EPS15: variants seen among roughly 807,000 people sequenced by gnomAD.
EPS15 encodes the protein epidermal growth factor receptor substrate 15.
A neutral mutation model predicts 113.8 loss-of-function variants in EPS15; 72 were observed. The observed-to-expected ratio is 0.63, with a 90% CI of 0.52 to 0.77. EPS15 has a LOEUF of 0.77. Ranked by LOEUF, EPS15 falls within the 30% of genes least tolerant of loss-of-function variation. The pLI is 0.00. For synonymous variants in EPS15, 344 were observed against 363.4 expected (o/e 0.95, Z 0.61); for missense variants, 1,048 against 1,045.8 (o/e 1.00, Z -0.03).
In EPS15 at chr1:51,472,869, A is replaced by T. The variant is rs1475752654; in HGVS notation, c.155T>A (p.Ile52Lys). ...FLKKSGLPDL[I>K]LGKIWDLADT... ...ATGAACGAATACTACCTTTCCAAGT[A>T]TCAAGTCTGGAAGCCCTGATTTTTT... Residue 52 changes from isoleucine (I) to lysine (K), a missense_variant, in exon 3 of 25, where the codon ATA becomes AAA. Ile to Lys is a moderately radical substitution (Grantham distance 102). Coordinates refer to ENST00000371733, the MANE Select transcript of EPS15 (RefSeq NM_001981.3). The T allele has an allele frequency of 1.9e-6, 3 of 1,612,022 alleles. No individual in the cohort carries two copies. The highest frequency in any genetic ancestry group is 3.3e-5 in the Admixed American group (2 of 60,008).
chr1:51,378,306 C>T (rs958626589), intron 21 of EPS15, among the ~76,000 whole-genome samples: 1 of 151,722 alleles, frequency 6.6e-6, no homozygotes, highest in Non-Finnish European at 1.5e-5. Context: ...GAAAACAGAA[C>T]TTTTATATGT....
intron 20 of EPS15, among the ~76,000 whole-genome samples, chr1:51,398,076 C>T (rs1284784741): frequency 4.8e-5 from 7 of 145,020 alleles, no homozygotes; most frequent in Non-Finnish European, 9.0e-5. Context: ...TTTTTTGAGA[C>T]GGAGTCTCGC....
In EPS15 at chr1:51,481,298, G is replaced by A; in HGVS notation, c.50C>T (p.Pro17Leu). ...LSLTQLSSGN[P>L]VYEKYYRQVD... Reference sequence around the variant, plus strand: ...CTGTCTATAGTATTTTTCATATACAGGATTCCCACTTGATAACTGAAATAA... The same window carrying A: ...CTGTCTATAGTATTTTTCATATACAAGATTCCCACTTGATAACTGAAATAA... The change falls in exon 2 of 25, where the codon CCT becomes CTT. Residue 17 changes from proline (P) to leucine (L), a missense_variant. Coordinates refer to ENST00000371733, the MANE Select transcript of EPS15 (RefSeq NM_001981.3). The A allele has an allele frequency of 7.4e-7, 1 of 1,359,348 alleles. No homozygotes were observed. Among genetic ancestry groups the A allele is most frequent in the East Asian group, 2.3e-5 (1 of 43,194 alleles). 84.2% of individuals were successfully genotyped at this position (1,359,348 alleles called of 1,614,324 possible).
intron 2 of EPS15, among the ~76,000 whole-genome samples, chr1:51,477,745 G>T (rs1473346399): frequency 1.4e-4 from 22 of 152,148 alleles, no homozygotes; most frequent in South Asian, 6.2e-4. Flanking sequence ...TTGTTCAGTT[G>T]CCATGTAGTT....
At chr1:51,416,082 CCT>C (rs906165310) in intron 13 of EPS15, among the ~76,000 whole-genome samples, 1 of 151,642 alleles carries the variant, frequency 6.6e-6, no homozygotes. Context: ...AACAGATGTA[CCT>C]CTCTCTCTCT....
intron 1 of EPS15, among the ~76,000 whole-genome samples, chr1:51,506,670 A>C (rs78983121): frequency 0.044 from 6,669 of 152,030 alleles, 224 homozygotes; most frequent in Middle Eastern, 0.099. Flanking sequence ...AGGACATTTC[A>C]AGCAAGTATG....
intron 8 of EPS15, among the ~76,000 whole-genome samples, chr1:51,455,726 A>G (rs1653946819): frequency 6.6e-6 from 1 of 152,252 alleles, no homozygotes; most frequent in South Asian, 2.1e-4. Flanking sequence ...ATCTAGTCAG[A>G]TAATTCATCC....
rs907117654 is a variant in EPS15 at position 51,385,309 on chromosome 1, TA to T, written c.2119+9071del. Among the ~76,000 whole-genome samples, 151 of 152,026 alleles carry T rather than the reference TA, an allele frequency of 9.9e-4. 1 individual carries two copies. The highest frequency in any genetic ancestry group is 3.6e-3 in the African/African-American group (148 of 41,466). On this transcript the variant is annotated intron_variant, in intron 21 of 24. Coordinates refer to ENST00000371733, the MANE Select transcript of EPS15 (RefSeq NM_001981.3). ...GATATACAAATAGCCAATAAGCATA[TA>T]AAAAAAGGCACTACATACTAATCAT...
chr1:51,388,366 C>G (rs895924368), intron 21 of EPS15, among the ~76,000 whole-genome samples: 2 of 152,180 alleles, frequency 1.3e-5, no homozygotes, highest in African/African-American at 2.4e-5. Context: ...CAAGACAAAG[C>G]AGGAAAGATC....
chr1:51,359,344 T>C (rs889309016), intron 24 of EPS15, among the ~76,000 whole-genome samples: 1 of 149,218 alleles, frequency 6.7e-6, no homozygotes, highest in Non-Finnish European at 1.5e-5. Context: ...CTTGGGAGGC[T>C]GAGGCAGGAG....
chr1:51,421,211 T>A (rs1024137586), intron 13 of EPS15, among the ~76,000 whole-genome samples: 4 of 152,184 alleles, frequency 2.6e-5, no homozygotes, highest in African/African-American at 9.6e-5. Flanking sequence ...TGAAACAATT[T>A]AACACAACAC....
chr1:51,423,527 C>T (rs539436376), intron 12 of EPS15: 1 of 985,374 alleles, frequency 1.0e-6, no homozygotes, highest in South Asian at 4.7e-5. Context: ...AGCACCCTCC[C>T]CCCATCCCAA....
intron 2 of EPS15, among the ~76,000 whole-genome samples, chr1:51,477,401 C>T: frequency 6.6e-6 from 1 of 152,086 alleles, no homozygotes; most frequent in Non-Finnish European, 1.5e-5. Flanking sequence ...TTTCAAAAAA[C>T]CAGCTTCTGG....
intron 1 of EPS15, among the ~76,000 whole-genome samples, chr1:51,513,580 A>T (rs1317400129): frequency 1.3e-5 from 2 of 152,244 alleles, no homozygotes; most frequent in Admixed American, 1.3e-4. Context: ...GAGGGCCTAA[A>T]GCAGAAAGAA....
intron 12 of EPS15, among the ~76,000 whole-genome samples, chr1:51,428,396 T>C (rs75667766): frequency 0.024 from 3,594 of 152,322 alleles, 62 homozygotes; most frequent in Non-Finnish European, 0.034. Context: ...ATACTTTCTA[T>C]AGAATTTAAG....
intron 13 of EPS15, 64 bp downstream of exon 13, chr1:51,421,722 C>G: frequency 1.1e-6 from 1 of 946,152 alleles, no homozygotes; most frequent in East Asian, 2.6e-5. Flanking sequence ...AGTAAATAAC[C>G]ATATAAATTT....
In EPS15 at chr1:51,355,998, G is replaced by A. The variant is rs1298660133; in HGVS notation, c.*702C>T. The stretch of plus-strand genomic sequence containing the variant: ...TTATTAATTAGCAAACACACTGAGA[G>A]GTATCTGTTGATCTAAAATTCTCTA... On this transcript the variant is annotated 3_prime_UTR_variant, in exon 25 of 25. Transcript: ENST00000371733. 5.2e-6 allele frequency: 1 copy of A among 193,426 alleles called. No individual in the cohort carries two copies. The highest frequency in any genetic ancestry group is 1.1e-5 in the Non-Finnish European group (1 of 92,990). 12.0% of individuals were successfully genotyped at this position (193,426 alleles called of 1,614,324 possible).
At chr1:51,413,998 C>T (rs1649982010) in intron 13 of EPS15, among the ~76,000 whole-genome samples, 1 of 152,226 alleles carries the variant, frequency 6.6e-6, no homozygotes, top group East Asian at 1.9e-4. Flanking sequence ...GATCTGCCCG[C>T]CTCGGCCTCC....
At chr1:51,386,201 T>A (rs552081766) in intron 21 of EPS15, among the ~76,000 whole-genome samples, 1 of 152,338 alleles carries the variant, frequency 6.6e-6, no homozygotes, top group Non-Finnish European at 1.5e-5. Flanking sequence ...TTGGGTTATA[T>A]CAGTGAAAAC....
Sources: gnomAD v4.1 joint callset for allele counts (sites outside exome capture counted in the v4.1 genomes callset) on GRCh38, gnomAD v4.1.1 for gene constraint, MANE v1.5 for transcripts, NCBI Gene and HGNC (gene_info 2026-07-23, HGNC 2026-07-21) for gene names.